IGF2R: variants seen among roughly 807,000 people sequenced by gnomAD.
IGF2R encodes insulin like growth factor 2 receptor.
IGF2R carries 91 observed loss-of-function variants against 270.6 expected under a neutral mutation model. The ratio of observed to expected loss-of-function variants is 0.34; its 90% CI spans 0.28 to 0.40. IGF2R has a LOEUF of 0.40. IGF2R is among the 10% of genes least tolerant of loss of function. The pLI is 1.00. For missense variants in IGF2R, 2,805 were observed against 3,188.3 expected (o/e 0.88, Z 2.90); for synonymous variants, 1,316 against 1,258.9 (o/e 1.05, Z -0.96).
chr6:159,992,770 A>G (rs560076912), intron 2 of IGF2R, among the ~76,000 whole-genome samples: 99 of 152,232 alleles, frequency 6.5e-4, no homozygotes, highest in African/African-American at 2.0e-3. Flanking sequence ...CTTCAAGTAT[A>G]TATTCAGTAG....
intron 45 of IGF2R, among the ~76,000 whole-genome samples, chr6:160,099,066 AAGAC>A (rs1162482631): frequency 6.6e-6 from 1 of 152,224 alleles, no homozygotes; most frequent in Non-Finnish European, 1.5e-5. Flanking sequence ...ACAAAGCTAA[AAGAC>A]AGGCATCTAC....
Position 160,084,860 on chromosome 6 carries a change from G to T in IGF2R, c.6069-135G>T. On this transcript the variant is annotated intron_variant, in intron 40 of 47. Coordinates refer to ENST00000356956, the MANE Select transcript of IGF2R (RefSeq NM_000876.4). This position sits in a 1 kb window ranked among gnomAD's most constrained non-coding sequence, Gnocchi z 4.6. ...TTTTTTAATTGGAAAAGCTATTTTA[G>T]TGCTACATTCAGTGATGGAATGGAG... 2 of 780,350 alleles carry T rather than the reference G, an allele frequency of 2.6e-6. No homozygotes were observed. Among genetic ancestry groups the T allele is most frequent in the Non-Finnish European group, 2.0e-6 (1 of 492,856 alleles). 48.3% of individuals were successfully genotyped at this position (780,350 alleles called of 1,614,324 possible). A position where few individuals can be genotyped will look rare whatever the true frequency, so the allele number is the denominator to read the frequency against.
At chr6:160,069,458 G>A (rs1056706075) in intron 30 of IGF2R, among the ~76,000 whole-genome samples, 1 of 152,204 alleles carries the variant, frequency 6.6e-6, no homozygotes, top group African/African-American at 2.4e-5. Flanking sequence ...CAGGGCACAT[G>A]GCACAGGCAT....
In IGF2R at chr6:160,105,538, G is replaced by A. The variant is rs1377226893; in HGVS notation, c.*454G>A. 1.3e-5 allele frequency: 2 copies of A among 156,864 alleles called. No individual in the cohort carries two copies. Among genetic ancestry groups the A allele is most frequent in the Non-Finnish European group, 2.8e-5 (2 of 70,632 alleles). The allele number at this position is 156,864 out of a possible 1,614,324, so 9.7% of individuals were successfully genotyped here. A position where few individuals can be genotyped will look rare whatever the true frequency, so the allele number is the denominator to read the frequency against. Reference sequence around the variant, plus strand: ...AAACAGCCACCGTTTCTTCCTGCCAGCAGGGGTGTGATGTACCAGTTTGTC... The same window carrying A: ...AAACAGCCACCGTTTCTTCCTGCCAACAGGGGTGTGATGTACCAGTTTGTC... On this transcript the variant is annotated 3_prime_UTR_variant, in exon 48 of 48. Transcript: ENST00000356956.
intron 1 of IGF2R, among the ~76,000 whole-genome samples, chr6:159,986,488 G>C (rs993486458): frequency 6.7e-6 from 1 of 148,606 alleles, no homozygotes; most frequent in Non-Finnish European, 1.5e-5. Flanking sequence ...GGCTGGTCTC[G>C]AACTCCTGAC....
chr6:160,080,899 C>T (rs982058934), intron 39 of IGF2R, among the ~76,000 whole-genome samples: 20 of 150,832 alleles, frequency 1.3e-4, no homozygotes, highest in East Asian at 1.2e-3. Context: ...GGGTGGATCA[C>T]GAGGTCAGGA....
At chr6:160,006,883 A>G (rs1784248832) in intron 2 of IGF2R, 1 of 150,938 alleles carries the variant, frequency 6.6e-6, no homozygotes, top group Admixed American at 6.6e-5. Flanking sequence ...ACTTTTCGCT[A>G]GGAGTAATCA....
chr6:160,000,995 C>G (rs1226624893), intron 2 of IGF2R, among the ~76,000 whole-genome samples: 2 of 151,950 alleles, frequency 1.3e-5, no homozygotes, highest in Non-Finnish European at 2.9e-5. Context: ...CCTTGGCCCC[C>G]CAAAGTGCTG....
chr6:160,038,612 T>G (rs1284302619), intron 10 of IGF2R, among the ~76,000 whole-genome samples: 5 of 152,248 alleles, frequency 3.3e-5, no homozygotes, highest in African/African-American at 1.2e-4. Context: ...GATTAAACTG[T>G]GTGTAAACCT....
Position 160,050,641 on chromosome 6 carries a change from AG to A in IGF2R, c.2687del (p.Gly896AlafsTer3). The A allele has an allele frequency of 6.2e-7, 1 of 1,604,042 alleles. No homozygotes were observed. Among genetic ancestry groups the A allele is most frequent in the Non-Finnish European group, 8.5e-7 (1 of 1,172,130 alleles). On this transcript the variant is annotated frameshift_variant, in exon 19 of 48. Transcript: ENST00000356956. LOFTEE classifies it high-confidence loss of function. This position sits in a 1 kb window ranked among gnomAD's most constrained non-coding sequence, Gnocchi z 4.0. The stretch of plus-strand genomic sequence containing the variant: ...CACGAGGATCCATCTCGTCTGCTCC[AG>A]GGGCAGGCTGGTAAGGCACTGCTGC... ...YTTRIHLVCS[R>X]GRLNSHPIFS...
At chr6:160,065,774 A>ATGTGTGTGTG (rs1491127323) in intron 29 of IGF2R, among the ~76,000 whole-genome samples, 2 of 126,470 alleles carry the variant, frequency 1.6e-5, no homozygotes, top group African/African-American at 6.3e-5. Flanking sequence ...TTTCCTAGAG[A>ATGTGTGTGTG]TATGTGTATG....
chr6:159,989,608 T>A (rs1783946159), intron 1 of IGF2R, among the ~76,000 whole-genome samples: 1 of 152,214 alleles, frequency 6.6e-6, no homozygotes, highest in South Asian at 2.1e-4. Flanking sequence ...AAAAATTTTA[T>A]TTTTGTAGAG....
At chr6:160,047,572 A>G (rs1163566704) in intron 16 of IGF2R, among the ~76,000 whole-genome samples, 3 of 152,230 alleles carry the variant, frequency 2.0e-5, no homozygotes, top group Non-Finnish European at 4.4e-5. Flanking sequence ...AAAGCATAAA[A>G]AAAAATCCTG....
chr6:160,037,796 C>T (rs374764572), intron 10 of IGF2R, among the ~76,000 whole-genome samples: 2 of 149,824 alleles, frequency 1.3e-5, no homozygotes, highest in Admixed American at 1.3e-4. Context: ...GGGCTGGGGT[C>T]GGGGGTGCGG....
rs141809791 is a variant in IGF2R at position 160,102,606 on chromosome 6, C to T, written c.6930C>T (p.Leu2310=). ...GGAGCCAGGCAGTCGGCGCGGTGCT[C>T]AGCCTGCTGCTGGTGGCGCTCACCT... ...SERSQAVGAV[L]SLLLVALTCC... is the part of the protein sequence containing the mutation. Residue 2310 remains leucine (L), a synonymous_variant, in exon 46 of 48, where the codon CTC becomes CTT. Transcript: ENST00000356956. This position sits in a 1 kb window ranked among gnomAD's most constrained non-coding sequence, Gnocchi z 4.5. 8 of 1,613,646 alleles carry T rather than the reference C, an allele frequency of 5.0e-6. No homozygotes were observed. The highest frequency in any genetic ancestry group is 6.8e-6 in the Non-Finnish European group (8 of 1,179,812).
chr6:160,008,489 C>T (rs1015682580), intron 2 of IGF2R, among the ~76,000 whole-genome samples: 1 of 152,094 alleles, frequency 6.6e-6, no homozygotes. Context: ...ACAGTAATGT[C>T]CTGGACAAGC....
intron 9 of IGF2R, 34 bp downstream of exon 9, chr6:160,033,141 T>C (rs776017838): frequency 6.5e-7 from 1 of 1,543,672 alleles, no homozygotes; most frequent in Non-Finnish European, 8.9e-7. Context: ...TTTTCCTTTT[T>C]CTTTGTATTT....
chr6:160,033,144 T>C, intron 9 of IGF2R, 37 bp downstream of exon 9: 1 of 1,538,086 alleles, frequency 6.5e-7, no homozygotes, highest in Non-Finnish European at 9.0e-7. Context: ...TCCTTTTTCT[T>C]TGTATTTCTT....
At position 160,084,953 on chromosome 6, in the gene IGF2R, C is replaced by A; in HGVS notation, c.6069-42C>A. 1 of 1,591,564 alleles carries A rather than the reference C, an allele frequency of 6.3e-7. No homozygotes were observed. On this transcript the variant is annotated intron_variant, in intron 40 of 47. Coordinates refer to ENST00000356956, the MANE Select transcript of IGF2R (RefSeq NM_000876.4). The surrounding 1 kb of genome is among the most constrained non-coding windows in gnomAD (Gnocchi z 4.6). ...CCCTCCTGTGTCAGGGCAGAGACGT[C>A]ACTTGCATGCCTTTTACCTGCCCCT...
Sources: gnomAD v4.1 joint callset for allele counts (sites outside exome capture counted in the v4.1 genomes callset) on GRCh38, gnomAD v4.1.1 for gene constraint, Gnocchi (gnomAD v3.1) non-coding constraint, MANE v1.5 for transcripts, NCBI Gene and HGNC (gene_info 2026-07-23, HGNC 2026-07-21) for gene names.